The following LITAF variants were observed in gnomAD, a reference collection of about 807,000 sequenced individuals.
The protein encoded by LITAF is lipopolysaccharide-induced tumor necrosis factor-alpha factor.
Under a neutral mutation model 14.5 loss-of-function variants are expected in LITAF, and 9 were observed. The ratio of observed to expected loss-of-function variants is 0.62; its 90% CI spans 0.37 to 1.08. The LOEUF is 1.08. Among genes scored for constraint, LITAF ranks in the 50% least tolerant of loss-of-function variants. LITAF has a pLI of 0.01. For synonymous variants in LITAF, 98 were observed against 88.2 expected (o/e 1.11, Z -0.62); for missense variants, 206 against 213.4 (o/e 0.97, Z 0.22).
chr16:11,625,383 C>T (rs1017820350), intron 3 of LITAF, among the ~76,000 whole-genome samples: 8 of 152,084 alleles, frequency 5.3e-5, no homozygotes, highest in African/African-American at 1.9e-4. Context: ...CCACATCAGC[C>T]TCCTGAGTAG....
chr16:11,618,321 C>T (rs939641596), intron 3 of LITAF, among the ~76,000 whole-genome samples: 2 of 152,176 alleles, frequency 1.3e-5, no homozygotes, highest in African/African-American at 2.4e-5. Flanking sequence ...AGGTGCCTCC[C>T]CTGGCAAGGC....
At position 11,605,416 on chromosome 16, in the gene LITAF, C is replaced by A. The variant is rs1253907680; in HGVS notation, c.85+28117G>T. Among the ~76,000 whole-genome samples the A allele has an allele frequency of 6.6e-6, 1 of 152,170 alleles. No homozygotes were observed. Among genetic ancestry groups the A allele is most frequent in the Non-Finnish European group, 1.5e-5 (1 of 68,022 alleles). Reference sequence around the variant, plus strand: ...AGGACTGGGAAGAGGGAAAGGAGCACAGCTAGCACTGCCCTGGGCTCCCTT... The same window carrying A: ...AGGACTGGGAAGAGGGAAAGGAGCAAAGCTAGCACTGCCCTGGGCTCCCTT... On this transcript the variant is annotated intron_variant, in intron 3 of 3. Coordinates refer to the LITAF transcript ENST00000574848. The surrounding 1 kb of genome is among the most constrained non-coding windows in gnomAD (Gnocchi z 4.7).
intron 1 of LITAF, 75 bp from the exon 2 acceptor site, chr16:11,556,810 T>C: frequency 7.8e-7 from 1 of 1,283,836 alleles, no homozygotes; most frequent in Non-Finnish European, 1.1e-6. Context: ...AAGTCTTCAA[T>C]TTTCTTTCTG....
At position 11,548,861 on chromosome 16, in the gene LITAF, G is replaced by A. The variant is rs1168914516; in HGVS notation, c.*776C>T. ...TGTTCAAAAGTATTTCAGACCAAAA[G>A]GAGGTCATAAAAACTGTTCATATAA... On this transcript the variant is annotated 3_prime_UTR_variant, in exon 4 of 4. Transcript: ENST00000622633. 1 of 453,580 alleles carries A rather than the reference G, an allele frequency of 2.2e-6. No homozygotes were observed. Among genetic ancestry groups the A allele is most frequent in the Non-Finnish European group, 4.4e-6 (1 of 226,720 alleles). The allele number at this position is 453,580 out of a possible 1,614,324, so 28.1% of individuals were successfully genotyped here.
At chr16:11,562,946 C>T (rs545351166) in intron 1 of LITAF, among the ~76,000 whole-genome samples, 2 of 151,564 alleles carry the variant, frequency 1.3e-5, no homozygotes, top group South Asian at 4.2e-4. Context: ...TAAAGACAAT[C>T]TTTAAAAATT....
At chr16:11,570,494 C>A (rs1042777711) in intron 1 of LITAF, among the ~76,000 whole-genome samples, 2 of 152,184 alleles carry the variant, frequency 1.3e-5, no homozygotes, top group Non-Finnish European at 2.9e-5. Flanking sequence ...TACAGTCTGA[C>A]CTTCCCACCC....
At chr16:11,562,407 C>T (rs1488363126) in intron 1 of LITAF, among the ~76,000 whole-genome samples, 2 of 151,668 alleles carry the variant, frequency 1.3e-5, no homozygotes. Flanking sequence ...CACTGGAGCC[C>T]AGAAATTAAG....
At chr16:11,565,054 A>G in intron 1 of LITAF, among the ~76,000 whole-genome samples, 1 of 141,314 alleles carries the variant, frequency 7.1e-6, no homozygotes. Context: ...CTCAGGCTGG[A>G]GTACAGAACT....
intron 3 of LITAF, among the ~76,000 whole-genome samples, chr16:11,609,114 G>C (rs2064969215): frequency 1.3e-5 from 2 of 152,178 alleles, no homozygotes; most frequent in Non-Finnish European, 2.9e-5. Context: ...GGCTAAAGGG[G>C]ATGAGGTTTC....
rs1054007155 is a variant in LITAF at position 11,547,832 on chromosome 16, C to T, written c.*1805G>A. 1 of 453,978 alleles carries T rather than the reference C, an allele frequency of 2.2e-6. No homozygotes were observed. Among genetic ancestry groups the T allele is most frequent in the Non-Finnish European group, 4.4e-6 (1 of 226,798 alleles). 28.1% of individuals were successfully genotyped at this position (453,978 alleles called of 1,614,324 possible). ...CAAATCTGACTCGTTAGCAAATCCA[C>T]CCAACTCAACATCGGTCATCTTGAC... On this transcript the variant is annotated 3_prime_UTR_variant, in exon 4 of 4. Transcript: ENST00000622633.
intron 3 of LITAF, chr16:11,551,575 C>G (rs1361148544): frequency 4.2e-6 from 2 of 480,602 alleles, no homozygotes; most frequent in East Asian, 3.5e-5. Flanking sequence ...AATCCCAGCA[C>G]TTTGGGAGGT....
intron 1 of LITAF, among the ~76,000 whole-genome samples, chr16:11,572,929 G>A (rs2064567655): frequency 1.4e-5 from 1 of 72,330 alleles, no homozygotes; most frequent in Admixed American, 1.1e-4. Context: ...CACATCTCAA[G>A]CTCTTTTTTT....
At chr16:11,608,766 C>T (rs1162483242) in intron 3 of LITAF, among the ~76,000 whole-genome samples, 2 of 152,044 alleles carry the variant, frequency 1.3e-5, no homozygotes, top group Non-Finnish European at 2.9e-5. Flanking sequence ...AGTTCGAGAC[C>T]AGCCTGGCCA....
intron 1 of LITAF, among the ~76,000 whole-genome samples, chr16:11,576,595 G>A (rs1043839936): frequency 7.1e-6 from 1 of 141,226 alleles, no homozygotes; most frequent in Non-Finnish European, 1.5e-5. Flanking sequence ...AAGGAAAAAT[G>A]CTTGTGTCCA....
chr16:11,628,292 C>T (rs1370938591), intron 3 of LITAF, among the ~76,000 whole-genome samples: 1 of 152,136 alleles, frequency 6.6e-6, no homozygotes, highest in East Asian at 1.9e-4. Context: ...CCAGATTTTC[C>T]ATGTTTGCGT....
chr16:11,592,482 G>A (rs1473943604), intron 1 of LITAF, among the ~76,000 whole-genome samples: 1 of 151,776 alleles, frequency 6.6e-6, no homozygotes, highest in Non-Finnish European at 1.5e-5. Context: ...AGGTGAGGTG[G>A]GAGGATCACC....
rs1163174662 is a variant in LITAF, at chr16:11,549,520, G to A, written c.*117C>T. On this transcript the variant is annotated 3_prime_UTR_variant, in exon 4 of 4. Coordinates refer to ENST00000622633, the MANE Select transcript of LITAF (RefSeq NM_001136472.2). This position sits in a 1 kb window ranked among gnomAD's most constrained non-coding sequence, Gnocchi z 4.6. ...TATTCCCCCCAAAAGAAGACATGAAGGTGGGCCCCCTGGAGAGGTGAGACC... is the reference window on the plus strand; with the variant it reads ...TATTCCCCCCAAAAGAAGACATGAAAGTGGGCCCCCTGGAGAGGTGAGACC... 4 of 760,528 alleles carry A rather than the reference G, an allele frequency of 5.3e-6. No individual in the cohort carries two copies. The highest frequency in any genetic ancestry group is 2.0e-5 in the Admixed American group (1 of 49,722). The allele number at this position is 760,528 out of a possible 1,614,324, so 47.1% of individuals were successfully genotyped here.
upstream of LITAF, among the ~76,000 whole-genome samples, chr16:11,637,007 T>A (rs1009385346): frequency 6.6e-6 from 1 of 151,988 alleles, no homozygotes; most frequent in Non-Finnish European, 1.5e-5. Context: ...GTAGCTGGGA[T>A]TACAGGCGCA....
In LITAF at chr16:11,548,372, C is replaced by G; in HGVS notation, c.*1265G>C. 1 of 453,994 alleles carries G rather than the reference C, an allele frequency of 2.2e-6. No individual in the cohort carries two copies. The highest frequency in any genetic ancestry group is 1.6e-5 in the South Asian group (1 of 64,466). The allele number at this position is 453,994 out of a possible 1,614,324, so 28.1% of individuals were successfully genotyped here. ...TTACAACAAGCTGTGTCTCTGAAAACTAAAATCAGACTTTAGATTCCTCTG... is the reference window on the plus strand; with the variant it reads ...TTACAACAAGCTGTGTCTCTGAAAAGTAAAATCAGACTTTAGATTCCTCTG... On this transcript the variant is annotated 3_prime_UTR_variant, in exon 4 of 4. Transcript: ENST00000622633.
Sources: allele counts gnomAD v4.1 joint callset (sites outside exome capture counted in the v4.1 genomes callset), GRCh38; gene constraint gnomAD v4.1.1; non-coding constraint Gnocchi (gnomAD v3.1); transcripts MANE v1.5; gene names NCBI Gene and HGNC (gene_info 2026-07-23, HGNC 2026-07-21).